CERKL: variants seen among roughly 807,000 people sequenced by gnomAD.
CERKL encodes ceramide kinase-like protein.
Under a neutral mutation model 63.4 loss-of-function variants are expected in CERKL, and 61 were observed. That is an observed-to-expected ratio of 0.96 (90% CI 0.78 to 1.19). The LOEUF is 1.19. CERKL is among the 50% of genes most tolerant of loss of function. The probability of loss-of-function intolerance (pLI) is 0.00; values close to 1 mark genes in which losing one functional copy is unlikely to be tolerated. For missense variants in CERKL, 675 were observed against 655.5 expected, an observed-to-expected ratio of 1.03 and a Z score of -0.33; for synonymous variants, 250 against 230.5, an observed-to-expected ratio of 1.08 and a Z score of -0.77.
At chr2:181,562,827 T>A (rs530961881) in intron 4 of CERKL, among the ~76,000 whole-genome samples, 2 of 152,278 alleles carry the variant, frequency 1.3e-5, no homozygotes, top group East Asian at 3.9e-4. Flanking sequence ...CAGTTTTTTT[T>A]CTTTCTGGAA....
rs141220789 is a variant in CERKL, at chr2:181,623,081, T to C, written c.239-19002A>G. On this transcript the variant is annotated intron_variant, in intron 1 of 12. Transcript: ENST00000410087. ...TGAATGCTAAAATTTCAGGTGATCC[T>C]CACAAGTTTTTCACTATCTTGTATT... Among the ~76,000 whole-genome samples, 7 of 152,350 alleles carry C rather than the reference T, an allele frequency of 4.6e-5. No homozygotes were observed. In the East Asian group the frequency reaches 1.3e-3, roughly 29 times the overall value.
At chr2:181,655,573 G>A (rs1016738296) in intron 1 of CERKL, among the ~76,000 whole-genome samples, 2 of 152,188 alleles carry the variant, frequency 1.3e-5, no homozygotes, top group Admixed American at 6.5e-5. Context: ...TTCGTGAAGC[G>A]AGCGAGCATG....
chr2:181,567,556 T>A (rs1398841844), intron 3 of CERKL, among the ~76,000 whole-genome samples: 2 of 87,550 alleles, frequency 2.3e-5, no homozygotes, highest in Non-Finnish European at 4.6e-5. Context: ...AAAATAGCAA[T>A]TTTTTAAGTA....
In CERKL at chr2:181,539,265, C is replaced by T. The variant is rs1574426870; in HGVS notation, c.1366-1G>A. On this transcript the variant is annotated splice_acceptor_variant, in intron 11 of 12. Coordinates refer to ENST00000410087, the MANE Select transcript of CERKL (RefSeq NM_201548.5). LOFTEE classifies it high-confidence loss of function. ...AAGTCTCAACAAATGGAAAATTGAA[C>T]TAAAAATAAATACAAATAATCATTA... 1 of 1,567,748 alleles carries T rather than the reference C, an allele frequency of 6.4e-7. No individual in the cohort carries two copies. Among genetic ancestry groups the T allele is most frequent in the South Asian group, 1.1e-5 (1 of 90,044 alleles).
At chr2:181,597,361 T>G (rs1340195165) in intron 2 of CERKL, among the ~76,000 whole-genome samples, 2 of 152,212 alleles carry the variant, frequency 1.3e-5, no homozygotes, top group Non-Finnish European at 2.9e-5. Flanking sequence ...CAAACTAGTT[T>G]TTTTCTCCTT....
At chr2:181,622,077 G>A (rs1425552392) in intron 1 of CERKL, among the ~76,000 whole-genome samples, 2 of 152,080 alleles carry the variant, frequency 1.3e-5, no homozygotes, top group African/African-American at 2.4e-5. Flanking sequence ...GGTGAAGCAG[G>A]GGAACTCTGG....
chr2:181,592,517 T>G (rs1035865328), intron 2 of CERKL, among the ~76,000 whole-genome samples: 9 of 152,178 alleles, frequency 5.9e-5, no homozygotes, highest in Non-Finnish European at 1.5e-5. Flanking sequence ...CAGTTACATA[T>G]ACAACCAAGG....
chr2:181,540,335 G>C (rs6756022), intron 11 of CERKL, among the ~76,000 whole-genome samples: 21,220 of 152,140 alleles, frequency 0.14, 1,647 homozygotes, highest in East Asian at 0.22. Flanking sequence ...ATTCATGTTA[G>C]TTGATAATTC....
At chr2:181,579,386 A>G (rs973176416) in intron 2 of CERKL, among the ~76,000 whole-genome samples, 1 of 151,950 alleles carries the variant, frequency 6.6e-6, no homozygotes, top group Non-Finnish European at 1.5e-5. Context: ...TTCTCTTTTC[A>G]TGAGAGGTTG....
chr2:181,575,271 C>G (rs1419931338), intron 2 of CERKL, among the ~76,000 whole-genome samples: 1 of 152,138 alleles, frequency 6.6e-6, no homozygotes, highest in Non-Finnish European at 1.5e-5. Context: ...AAGAGCGAGC[C>G]CAAACCCCTT....
At chr2:181,607,307 G>A (rs989214630) in intron 1 of CERKL, among the ~76,000 whole-genome samples, 15 of 152,228 alleles carry the variant, frequency 9.9e-5, no homozygotes, top group African/African-American at 2.6e-4. Context: ...TGTTCCCCTT[G>A]ATCATATTAT....
chr2:181,656,519 G>A (rs762424613), intron 1 of CERKL, among the ~76,000 whole-genome samples: 1 of 152,134 alleles, frequency 6.6e-6, no homozygotes, highest in Non-Finnish European at 1.5e-5. Context: ...AGGTCTCGGA[G>A]GCGGGAAAAG....
chr2:181,569,052 C>A (rs1420846015), intron 3 of CERKL, among the ~76,000 whole-genome samples: 1 of 152,078 alleles, frequency 6.6e-6, no homozygotes, highest in Non-Finnish European at 1.5e-5. Context: ...TCAAACCTCT[C>A]CCCCACTCTA....
chr2:181,648,584 G>A (rs1284983661), intron 1 of CERKL, among the ~76,000 whole-genome samples: 1 of 152,164 alleles, frequency 6.6e-6, no homozygotes, highest in African/African-American at 2.4e-5. Flanking sequence ...TAACTATCAT[G>A]AACACATGTG....
At chr2:181,628,505 G>A (rs183698248) in intron 1 of CERKL, among the ~76,000 whole-genome samples, 2 of 152,168 alleles carry the variant, frequency 1.3e-5, no homozygotes, top group Admixed American at 1.3e-4. Context: ...TATTTTCAGT[G>A]GGCATAAAAA....
At chr2:181,601,291 G>A (rs1685448577) in intron 2 of CERKL, among the ~76,000 whole-genome samples, 2 of 152,336 alleles carry the variant, frequency 1.3e-5, no homozygotes, top group South Asian at 4.2e-4. Flanking sequence ...CAGGTGCGGT[G>A]GCTAACACCT....
chr2:181,591,539 C>A (rs1223203912), intron 2 of CERKL, among the ~76,000 whole-genome samples: 2 of 152,108 alleles, frequency 1.3e-5, no homozygotes, highest in African/African-American at 4.8e-5. Flanking sequence ...AAAAGAGCTG[C>A]CAATAAATCT....
intron 11 of CERKL, among the ~76,000 whole-genome samples, 166 bp downstream of exon 11, chr2:181,544,534 G>A (rs1391006340): frequency 6.6e-6 from 1 of 152,146 alleles, no homozygotes; most frequent in East Asian, 1.9e-4. Context: ...AATCCTGGCG[G>A]ATGCTTTTCA....
At chr2:181,605,974 T>C (rs1021632638) in intron 1 of CERKL, among the ~76,000 whole-genome samples, 2 of 150,954 alleles carry the variant, frequency 1.3e-5, no homozygotes, top group African/African-American at 2.4e-5. Flanking sequence ...CAAGCTATAG[T>C]CTGATTGCTC....
Sources: gnomAD v4.1 joint callset for allele counts (sites outside exome capture counted in the v4.1 genomes callset) on GRCh38, gnomAD v4.1.1 for gene constraint, MANE v1.5 for transcripts, NCBI Gene and HGNC (gene_info 2026-07-23, HGNC 2026-07-21) for gene names.